COL19A1: variants seen among roughly 807,000 people sequenced by gnomAD.
COL19A1 encodes collagen type XIX alpha 1 chain, also known as collagen alpha-1(XIX) chain.
A neutral mutation model predicts 190.2 loss-of-function variants in COL19A1; 159 were observed. The observed-to-expected ratio is 0.84, with a 90% CI of 0.73 to 0.95. COL19A1 has a LOEUF of 0.95. Among genes scored for constraint, COL19A1 ranks in the 40% least tolerant of loss-of-function variants. The pLI, the probability that COL19A1 is intolerant of heterozygous loss-of-function variation, is 0.00. For missense variants in COL19A1, 1,418 were observed against 1,431.9 expected (o/e 0.99, Z 0.16); for synonymous variants, 509 against 458.9 (o/e 1.11, Z -1.39).
At chr6:69,967,288 T>C (rs780234584) in intron 11 of COL19A1, among the ~76,000 whole-genome samples, 6 of 152,192 alleles carry the variant, frequency 3.9e-5, no homozygotes, top group Admixed American at 1.3e-4. Flanking sequence ...AAATTTTCCA[T>C]TTGGGAAATG....
intron 30 of COL19A1, among the ~76,000 whole-genome samples, chr6:70,150,372 A>G (rs2150245748): frequency 6.6e-6 from 1 of 152,310 alleles, no homozygotes; most frequent in Middle Eastern, 3.4e-3. Context: ...GCTAGTGGCT[A>G]AATGAATTTC....
rs771832015 is a variant in COL19A1, at chr6:70,207,132, T to TG, written c.3302-15_3302-14insG. The TG allele has an allele frequency of 5.8e-4, 930 of 1,611,488 alleles. 1 individual carries two copies. The highest frequency in any genetic ancestry group is 1.0e-3 in the Admixed American group (60 of 59,366). On this transcript the variant is annotated splice_polypyrimidine_tract_variant and intron_variant, in intron 50 of 50. Coordinates refer to ENST00000620364, the MANE Select transcript of COL19A1 (RefSeq NM_001858.6). Reference sequence around the variant, plus strand: ...ATATGTGATCTGCATTGTAATTTTTTTTTTATGTCGTTAGCTCTGGGTTTG... The same window carrying TG: ...ATATGTGATCTGCATTGTAATTTTTTGTTTTATGTCGTTAGCTCTGGGTTTG...
chr6:69,867,572 G>T (rs888289293), intron 1 of COL19A1: 1 of 152,352 alleles, frequency 6.6e-6, no homozygotes, highest in Non-Finnish European at 1.5e-5. Context: ...GGGTCGCGAG[G>T]AAGTTTGTTG....
At chr6:70,190,167 T>C in intron 47 of COL19A1, 148 bp from the exon 48 acceptor site, 1 of 633,706 alleles carries the variant, frequency 1.6e-6, no homozygotes, top group South Asian at 1.8e-5. Context: ...CAGATATTTA[T>C]TGCCCAATAT....
intron 12 of COL19A1, among the ~76,000 whole-genome samples, chr6:70,027,979 T>A (rs1284184469): frequency 6.6e-6 from 1 of 152,072 alleles, no homozygotes; most frequent in African/African-American, 2.4e-5. Context: ...ATTTGCACCA[T>A]GGAATGATAA....
At chr6:70,031,786 T>C (rs200977245) in intron 12 of COL19A1, among the ~76,000 whole-genome samples, 1 of 152,128 alleles carries the variant, frequency 6.6e-6, no homozygotes. Context: ...ACAAGGACCA[T>C]TTCTGACACC....
intron 2 of COL19A1, among the ~76,000 whole-genome samples, chr6:69,898,113 T>G (rs7748877): frequency 0.035 from 5,331 of 152,262 alleles, 333 homozygotes; most frequent in African/African-American, 0.12. Context: ...ATTTTAGACA[T>G]AGAGAATTAA....
chr6:70,046,085 T>C (rs972632327), intron 14 of COL19A1, among the ~76,000 whole-genome samples: 1 of 152,222 alleles, frequency 6.6e-6, no homozygotes, highest in African/African-American at 2.4e-5. Flanking sequence ...GAGTAACTTA[T>C]AATTTACTTA....
intron 11 of COL19A1, among the ~76,000 whole-genome samples, chr6:70,010,702 G>C (rs954045033): frequency 4.4e-5 from 6 of 136,782 alleles, no homozygotes; most frequent in Admixed American, 7.2e-5. Context: ...CTGGCTCGGA[G>C]GGTCCTACAC....
At chr6:69,872,950 G>C (rs1363414427) in intron 1 of COL19A1, among the ~76,000 whole-genome samples, 1 of 152,164 alleles carries the variant, frequency 6.6e-6, no homozygotes, top group Non-Finnish European at 1.5e-5. Context: ...CATCCTGAGA[G>C]TAAACATTAT....
chr6:69,977,502 A>G (rs1775788911), intron 11 of COL19A1, among the ~76,000 whole-genome samples: 2 of 152,020 alleles, frequency 1.3e-5, no homozygotes, highest in Admixed American at 6.6e-5. Context: ...GCACACCAAC[A>G]TGGCACATGT....
rs1262864242 is a variant in COL19A1 at position 69,922,583 on chromosome 6, C to G, written c.267-5326C>G. ...GCAACCTTCACCTCCTGGGTTCAAA[C>G]AATTCTCCTGCCTCAGCCAACTGAG... is the stretch of plus-strand genomic sequence containing the variant. On this transcript the variant is annotated intron_variant, in intron 4 of 50. Transcript: ENST00000620364. Among the ~76,000 whole-genome samples the G allele has an allele frequency of 4.1e-5, 6 of 144,644 alleles. No homozygotes were observed. The East Asian group carries it at 1.3e-3, about 31-fold the overall frequency. 94.9% of individuals were successfully genotyped at this position (144,644 alleles called of 152,430 possible). A position where few individuals can be genotyped will look rare whatever the true frequency, so the allele number is the denominator to read the frequency against.
At chr6:70,167,951 G>T in intron 37 of COL19A1, 74 bp from the exon 38 acceptor site, 2 of 1,098,264 alleles carry the variant, frequency 1.8e-6, no homozygotes, top group South Asian at 3.2e-5. Context: ...AGTATCATTT[G>T]GTAAAATGAT....
chr6:70,184,727 C>T lies in COL19A1; in HGVS notation c.2800C>T (p.Pro934Ser). 6.3e-7 allele frequency: 1 copy of T among 1,598,724 alleles called. No individual in the cohort carries two copies. Among genetic ancestry groups the T allele is most frequent in the Non-Finnish European group, 8.6e-7 (1 of 1,168,452 alleles). Residue 934 changes from proline to serine, a missense_variant, in exon 45 of 51, where the codon CCA becomes TCA. Physicochemically the swap from Pro to Ser is moderately conservative, Grantham distance 74 (BLOSUM62 -1). Coordinates refer to ENST00000620364, the MANE Select transcript of COL19A1 (RefSeq NM_001858.6). ...GGGAATAAATGGAAAAGATGGAATA[C>T]CAGGTGCTCAGGTATGGGAAATATG... Reference protein sequence around the residue: ...KPGINGKDGIPGAQGIMGKPG... With the variant: ...KPGINGKDGISGAQGIMGKPG...
chr6:69,867,733 C>G (rs1056033636), intron 1 of COL19A1: 9 of 152,642 alleles, frequency 5.9e-5, no homozygotes, highest in Admixed American at 5.9e-4. Flanking sequence ...CAGGAGCCCC[C>G]GAGGAGCTTC....
intron 36 of COL19A1, 60 bp downstream of exon 36, chr6:70,163,456 G>A: frequency 6.8e-7 from 1 of 1,481,410 alleles, no homozygotes; most frequent in Non-Finnish European, 9.3e-7. Context: ...AGCAGGATGA[G>A]ACTCTTCACA....
At chr6:69,921,641 C>A (rs1306865479) in intron 4 of COL19A1, among the ~76,000 whole-genome samples, 1 of 141,886 alleles carries the variant, frequency 7.0e-6, no homozygotes, top group East Asian at 2.0e-4. Context: ...CGTATATATT[C>A]GTATATAGAT....
intron 29 of COL19A1, 26 bp from the exon 30 acceptor site, chr6:70,149,966 T>A: frequency 6.2e-7 from 1 of 1,613,796 alleles, no homozygotes; most frequent in East Asian, 2.2e-5. Flanking sequence ...CGTGCAAAGA[T>A]TGAACATGGA....
In COL19A1 at chr6:70,142,848, G is replaced by A. The variant is rs752729913; in HGVS notation, c.1626+28G>A. 4.4e-6 allele frequency: 7 copies of A among 1,593,106 alleles called. No individual in the cohort carries two copies. The South Asian group carries it at 5.7e-5, about 13-fold the overall frequency. The stretch of plus-strand genomic sequence containing the variant: ...ATGTATAATGTCTTTGATATTTCTG[G>A]AATTGAAATTGAGACTAGGACATGT... On this transcript the variant is annotated intron_variant, in intron 23 of 50. Coordinates refer to ENST00000620364, the MANE Select transcript of COL19A1 (RefSeq NM_001858.6).
Sources: gnomAD v4.1 joint callset for allele counts (sites outside exome capture counted in the v4.1 genomes callset) on GRCh38, gnomAD v4.1.1 for gene constraint, MANE v1.5 for transcripts, NCBI Gene and HGNC (gene_info 2026-07-23, HGNC 2026-07-21) for gene names.